WWOX: variants seen among roughly 807,000 people sequenced by gnomAD.
The protein encoded by WWOX is WW domain containing oxidoreductase.
Under a neutral mutation model 46.2 loss-of-function variants are expected in WWOX, and 69 were observed. That is an observed-to-expected ratio of 1.49 (90% confidence interval 1.23 to 1.82). The LOEUF is 1.82. Among genes scored for constraint, WWOX ranks in the 40% most tolerant of loss-of-function variants. The probability of loss-of-function intolerance (pLI) is 0.00; values close to 1 mark genes in which losing one functional copy is unlikely to be tolerated. For missense variants in WWOX, 919 were observed against 542.6 expected (o/e 1.69, Z -6.89); for synonymous variants, 359 against 202.6 (o/e 1.77, Z -6.56).
intron 8 of WWOX, among the ~76,000 whole-genome samples, chr16:79,160,605 CATTT>C (rs1567589778): frequency 6.6e-6 from 1 of 152,112 alleles, no homozygotes; most frequent in Admixed American, 6.6e-5. Context: ...TATTTTATTT[CATTT>C]ATTCTTTTTT....
intron 8 of WWOX, among the ~76,000 whole-genome samples, chr16:78,572,923 C>G (rs1035080940): frequency 2.6e-5 from 4 of 152,102 alleles, no homozygotes; most frequent in African/African-American, 9.7e-5. Flanking sequence ...ACACACATTG[C>G]TTATGTGAAG....
intron 8 of WWOX, among the ~76,000 whole-genome samples, chr16:78,443,401 G>C (rs1418767341): frequency 6.6e-6 from 1 of 152,126 alleles, no homozygotes; most frequent in Non-Finnish European, 1.5e-5. Flanking sequence ...GGCTTCCACA[G>C]TGCAGATTTT....
At chr16:78,587,767 C>A (rs577925520) in intron 8 of WWOX, among the ~76,000 whole-genome samples, 8 of 152,288 alleles carry the variant, frequency 5.3e-5, no homozygotes, top group African/African-American at 1.7e-4. Context: ...CCAGCTAATA[C>A]TGTCTTGATC....
intron 8 of WWOX, among the ~76,000 whole-genome samples, chr16:78,883,607 C>G (rs950720672): frequency 6.6e-6 from 1 of 151,820 alleles, no homozygotes; most frequent in African/African-American, 2.4e-5. Flanking sequence ...ACCTGTAATC[C>G]CAGCTACTCA....
intron 6 of WWOX, among the ~76,000 whole-genome samples, chr16:78,413,036 G>T (rs1008604495): frequency 6.6e-6 from 1 of 152,162 alleles, no homozygotes; most frequent in African/African-American, 2.4e-5. Flanking sequence ...GAATGAGCCA[G>T]TGGAGAGGAA....
intron 8 of WWOX, among the ~76,000 whole-genome samples, chr16:78,623,486 C>G (rs1336991476): frequency 6.6e-6 from 1 of 152,140 alleles, no homozygotes; most frequent in Non-Finnish European, 1.5e-5. Context: ...TCGAGACCAG[C>G]CTGGGCAACA....
At chr16:78,579,990 C>G (rs1042254242) in intron 8 of WWOX, among the ~76,000 whole-genome samples, 1 of 152,120 alleles carries the variant, frequency 6.6e-6, no homozygotes, top group Non-Finnish European at 1.5e-5. Flanking sequence ...GTTTAAGGCG[C>G]TTGCTCTTCT....
At chr16:78,589,309 T>C (rs999176128) in intron 8 of WWOX, among the ~76,000 whole-genome samples, 3 of 152,204 alleles carry the variant, frequency 2.0e-5, no homozygotes, top group African/African-American at 7.2e-5. Context: ...GTCCATTCTG[T>C]ATTAGTCCTC....
chr16:78,743,173 C>A (rs1256874411), intron 8 of WWOX, among the ~76,000 whole-genome samples: 1 of 152,036 alleles, frequency 6.6e-6, no homozygotes. Context: ...AGTTCCCAGG[C>A]AAGGTTCATG....
rs1330127848 is a variant in WWOX at position 78,477,632 on chromosome 16, A to G, written c.1056+44880A>G. On this transcript the variant is annotated intron_variant, in intron 8 of 8. Coordinates refer to ENST00000566780, the MANE Select transcript of WWOX (RefSeq NM_016373.4). ...AGATTTTATTTTTTTTCAATTTGAT[A>G]ATTAATAGTGAAATCATATCATATA... Among the ~76,000 whole-genome samples the G allele has an allele frequency of 3.3e-5, 5 of 152,292 alleles. No individual in the cohort carries two copies. The East Asian group carries it at 7.7e-4, about 23-fold the overall frequency.
chr16:78,385,836 C>A (rs1005178724), intron 5 of WWOX, among the ~76,000 whole-genome samples: 1 of 152,160 alleles, frequency 6.6e-6, no homozygotes, highest in Non-Finnish European at 1.5e-5. Context: ...GCCCTGTGTT[C>A]TTGGGTTTTT....
At chr16:78,361,105 G>A (rs1203715678) in intron 5 of WWOX, among the ~76,000 whole-genome samples, 1 of 152,162 alleles carries the variant, frequency 6.6e-6, no homozygotes, top group African/African-American at 2.4e-5. Context: ...TTACAGGCAT[G>A]AGCCACTGCA....
intron 8 of WWOX, among the ~76,000 whole-genome samples, chr16:78,811,436 C>G (rs1412290225): frequency 1.3e-5 from 2 of 152,034 alleles, no homozygotes; most frequent in Non-Finnish European, 2.9e-5. Context: ...CTCTTCCTCC[C>G]TTTCTTCCTT....
At chr16:78,690,556 T>C (rs1000284028) in intron 8 of WWOX, among the ~76,000 whole-genome samples, 1 of 151,668 alleles carries the variant, frequency 6.6e-6, no homozygotes, top group Non-Finnish European at 1.5e-5. Context: ...TGTCTGAAAA[T>C]TAAAAAAAGA....
chr16:78,119,030 G>C (rs1186129234), intron 4 of WWOX: 1 of 152,214 alleles, frequency 6.6e-6, no homozygotes, highest in Non-Finnish European at 1.5e-5. Context: ...CAGCATCTCA[G>C]TATCCAGGGG....
At chr16:78,366,340 A>ACACAT (rs1457166913) in intron 5 of WWOX, among the ~76,000 whole-genome samples, 1 of 152,238 alleles carries the variant, frequency 6.6e-6, no homozygotes, top group African/African-American at 2.4e-5. Context: ...ATGCCTATCC[A>ACACAT]CACATCCTTA....
chr16:78,758,255 T>G (rs1363605112), intron 8 of WWOX, among the ~76,000 whole-genome samples: 1 of 152,220 alleles, frequency 6.6e-6, no homozygotes, highest in African/African-American at 2.4e-5. Context: ...CATGTAGCTA[T>G]TATTACCAGA....
At chr16:78,233,835 C>T (rs1205839771) in intron 5 of WWOX, among the ~76,000 whole-genome samples, 1 of 152,090 alleles carries the variant, frequency 6.6e-6, no homozygotes, top group African/African-American at 2.4e-5. Context: ...CCTGATGATT[C>T]AGTTTTTACC....
At chr16:79,137,353 T>C (rs1345712311) in intron 8 of WWOX, among the ~76,000 whole-genome samples, 1 of 152,250 alleles carries the variant, frequency 6.6e-6, no homozygotes, top group Non-Finnish European at 1.5e-5. Context: ...ATTCATGTGT[T>C]AGCCTTAAGT....
Sources: gnomAD v4.1 joint callset for allele counts (sites outside exome capture counted in the v4.1 genomes callset) on GRCh38, gnomAD v4.1.1 for gene constraint, MANE v1.5 for transcripts, NCBI Gene and HGNC (gene_info 2026-07-23, HGNC 2026-07-21) for gene names.